ZFHX3: variants seen among roughly 807,000 people sequenced by gnomAD.
ZFHX3 encodes the protein zinc finger homeobox protein 3.
In ZFHX3, 42 loss-of-function variants were observed where a neutral mutation model predicts 279.1. The ratio of observed to expected loss-of-function variants is 0.15; its 90% confidence interval spans 0.12 to 0.19. The LOEUF (loss-of-function observed/expected upper bound fraction) is 0.19, where lower values mean the gene tolerates loss of function less well. Ranked by LOEUF, ZFHX3 falls within the 10% of genes least tolerant of loss-of-function variation. The pLI, the probability that ZFHX3 is intolerant of heterozygous loss-of-function variation, is 1.00. For missense variants in ZFHX3, 4,981 were observed against 4,754.0 expected (o/e 1.05, Z -1.40); for synonymous variants, 2,293 against 1,957.8 (o/e 1.17, Z -4.52).
At chr16:73,793,622 C>T (rs1419732960) in intron 1 of ZFHX3, among the ~76,000 whole-genome samples, 1 of 152,160 alleles carries the variant, frequency 6.6e-6, no homozygotes, top group Non-Finnish European at 1.5e-5. Context: ...CTCCTCCCTG[C>T]CAAGAGATCT....
At chr16:73,224,472 A>G (rs76982436) in intron 5 of ZFHX3, among the ~76,000 whole-genome samples, 1 of 152,326 alleles carries the variant, frequency 6.6e-6, no homozygotes, top group Non-Finnish European at 1.5e-5. Context: ...TCCAAGGACA[A>G]ATCATGAAAA....
intron 4 of ZFHX3, among the ~76,000 whole-genome samples, chr16:72,879,118 G>A (rs899615993): frequency 1.3e-5 from 2 of 152,206 alleles, no homozygotes; most frequent in African/African-American, 2.4e-5. Context: ...GGCTCCGAAT[G>A]AAAGCTACAC....
At position 73,568,766 on chromosome 16, in the gene ZFHX3, C is replaced by G. The variant is rs568330132; in HGVS notation, c.-1547+111414G>C. Among the ~76,000 whole-genome samples, 3 of 152,260 alleles carry G rather than the reference C, an allele frequency of 2.0e-5. No individual in the cohort carries two copies. The East Asian group carries it at 5.8e-4, about 29-fold the overall frequency. On this transcript the variant is annotated intron_variant, in intron 2 of 17. Coordinates refer to the ZFHX3 transcript ENST00000641206. ...GGCTTCAGAGCTTCCGGGGTCTCAT[C>G]CTCTTGCAAATTTCTTTGGTGGTGA...
At chr16:72,869,750 T>C (rs1317369219) in intron 4 of ZFHX3, among the ~76,000 whole-genome samples, 3 of 152,220 alleles carry the variant, frequency 2.0e-5, no homozygotes, top group Non-Finnish European at 4.4e-5. Flanking sequence ...ACAATCTCAT[T>C]TAAACAGTTC....
chr16:72,922,197 C>T (rs1289073665), intron 3 of ZFHX3, among the ~76,000 whole-genome samples: 1 of 152,212 alleles, frequency 6.6e-6, no homozygotes, highest in Non-Finnish European at 1.5e-5. Flanking sequence ...GGGGGTGACA[C>T]CCAGACTACC....
intron 1 of ZFHX3, among the ~76,000 whole-genome samples, chr16:73,710,417 ATCTG>A (rs1300835902): frequency 6.6e-6 from 1 of 152,088 alleles, no homozygotes; most frequent in African/African-American, 2.4e-5. Context: ...TCACCCCCAA[ATCTG>A]TCTTTCTCAG....
intron 1 of ZFHX3, among the ~76,000 whole-genome samples, chr16:73,040,260 G>C (rs1269224870): frequency 6.6e-6 from 1 of 152,082 alleles, no homozygotes; most frequent in African/African-American, 2.4e-5. Flanking sequence ...TATAGGAAGG[G>C]GACAGGGCAA....
rs118128896 is a variant in ZFHX3 at position 73,473,787 on chromosome 16, G to A, written c.-1546-17529C>T. Among the ~76,000 whole-genome samples, 1,307 of 152,258 alleles carry A rather than the reference G, an allele frequency of 8.6e-3. 24 individuals are homozygous for A. The highest frequency in any genetic ancestry group is 0.046 in the Admixed American group (708 of 15,294). On this transcript the variant is annotated intron_variant, in intron 2 of 17. Transcript: ENST00000641206. The stretch of plus-strand genomic sequence containing the variant: ...TCCCATCTGTTTCTTTAACAAATGG[G>A]AGCTTAAGCCCATAGGGAAACTGTG...
At chr16:73,834,589 T>C (rs1216094095) in intron 1 of ZFHX3, among the ~76,000 whole-genome samples, 1 of 152,150 alleles carries the variant, frequency 6.6e-6, no homozygotes, top group Non-Finnish European at 1.5e-5. Flanking sequence ...GAAGGAAACA[T>C]TAGTAGTGGG....
At chr16:73,125,659 C>T (rs1365383351) in intron 7 of ZFHX3, among the ~76,000 whole-genome samples, 1 of 152,060 alleles carries the variant, frequency 6.6e-6, no homozygotes, top group African/African-American at 2.4e-5. Context: ...TTCCTGCCTT[C>T]GAACACTGGA....
intron 1 of ZFHX3, among the ~76,000 whole-genome samples, chr16:73,831,538 G>C (rs937867341): frequency 6.6e-6 from 1 of 152,204 alleles, no homozygotes; most frequent in Admixed American, 6.5e-5. Context: ...ACATTCACGG[G>C]AATGGCTTTC....
chr16:73,231,973 T>G (rs1352790655), intron 5 of ZFHX3: 1 of 152,106 alleles, frequency 6.6e-6, no homozygotes, highest in Non-Finnish European at 1.5e-5. Flanking sequence ...TTTATGCAAA[T>G]TGCAAAGTAG....
chr16:73,060,798 T>G (rs1216626835), upstream of ZFHX3: 1 of 152,220 alleles, frequency 6.6e-6, no homozygotes, highest in Non-Finnish European at 1.5e-5. Flanking sequence ...GAAAAAATGT[T>G]GCCCTAGCCT....
chr16:72,977,758 T>C (rs1962413113), intron 1 of ZFHX3, among the ~76,000 whole-genome samples: 2 of 151,830 alleles, frequency 1.3e-5, no homozygotes, highest in South Asian at 2.1e-4. Flanking sequence ...GCAATGAAAA[T>C]CTGTGCACAA....
chr16:73,028,705 C>T (rs1964596051), intron 1 of ZFHX3, among the ~76,000 whole-genome samples: 3 of 152,234 alleles, frequency 2.0e-5, no homozygotes, highest in African/African-American at 7.2e-5. Context: ...ATGGTACAGG[C>T]TTTGCTTCTC....
chr16:73,120,159 TCCCTTCATGA>T (rs1441106419), intron 7 of ZFHX3, among the ~76,000 whole-genome samples: 2 of 152,192 alleles, frequency 1.3e-5, no homozygotes, highest in African/African-American at 4.8e-5. Context: ...CCCTGATCTA[TCCCTTCATGA>T]CCCTTGGCTC....
intron 3 of ZFHX3, among the ~76,000 whole-genome samples, chr16:72,935,370 A>C (rs886171412): frequency 6.6e-6 from 1 of 152,202 alleles, no homozygotes; most frequent in Non-Finnish European, 1.5e-5. Context: ...GAACGAAAGC[A>C]GGAGAGGAGC....
At chr16:73,400,023 C>T (rs936135178) in intron 3 of ZFHX3, 3 of 150,760 alleles carry the variant, frequency 2.0e-5, no homozygotes, top group Admixed American at 6.6e-5. Context: ...CTATCCTGAG[C>T]GAGGCTTTTC....
intron 7 of ZFHX3, among the ~76,000 whole-genome samples, chr16:73,105,798 A>T (rs1292610828): frequency 2.6e-5 from 4 of 152,180 alleles, no homozygotes; most frequent in African/African-American, 7.2e-5. Flanking sequence ...ATTAAAACAA[A>T]ACATTTCACT....
Sources: allele counts gnomAD v4.1 joint callset (sites outside exome capture counted in the v4.1 genomes callset), GRCh38; gene constraint gnomAD v4.1.1; transcripts MANE v1.5; gene names NCBI Gene and HGNC (gene_info 2026-07-23, HGNC 2026-07-21).